LIFR: variants seen among roughly 807,000 people sequenced by gnomAD.
LIFR encodes leukemia inhibitory factor receptor.
Under a neutral mutation model 122.2 loss-of-function variants are expected in LIFR, and 84 were observed. The ratio of observed to expected loss-of-function variants is 0.69; its 90% CI spans 0.58 to 0.82. LIFR has a LOEUF of 0.82. LIFR is among the 40% of genes least tolerant of loss of function. The probability of loss-of-function intolerance (pLI) is 0.00; values close to 1 mark genes in which losing one functional copy is unlikely to be tolerated. For synonymous variants in LIFR, 422 were observed against 434.7 expected (o/e 0.97, Z 0.36); for missense variants, 1,294 against 1,311.6 (o/e 0.99, Z 0.21).
chr5:38,484,701 C>T, intron 18 of LIFR, 74 bp downstream of exon 18: 2 of 963,684 alleles, frequency 2.1e-6, no homozygotes, highest in South Asian at 2.7e-5. Flanking sequence ...TTATTTAATA[C>T]ATAAACTAAT....
At chr5:38,512,338 C>T (rs967979143) in intron 5 of LIFR, among the ~76,000 whole-genome samples, 3 of 151,880 alleles carry the variant, frequency 2.0e-5, no homozygotes, top group Non-Finnish European at 4.4e-5. Flanking sequence ...TAAAATCTGC[C>T]TGGACAGTGG....
At position 38,490,308 on chromosome 5, in the gene LIFR, T is replaced by G; in HGVS notation, c.2066-17A>C. On this transcript the variant is annotated splice_polypyrimidine_tract_variant and intron_variant, in intron 14 of 19. Coordinates refer to ENST00000453190, the MANE Select transcript of LIFR (RefSeq NM_001127671.2). ...GAAACTCATCTATAGGATGAACATATCAGCAAACTTTCATAAATATATTAC... is the reference window on the plus strand; with the variant it reads ...GAAACTCATCTATAGGATGAACATAGCAGCAAACTTTCATAAATATATTAC... 9.0e-7 allele frequency: 1 copy of G among 1,110,394 alleles called. No homozygotes were observed. The highest frequency in any genetic ancestry group is 1.4e-6 in the Non-Finnish European group (1 of 729,794). The allele number at this position is 1,110,394 out of a possible 1,614,324, so 68.8% of individuals were successfully genotyped here.
At chr5:38,569,183 T>C (rs1749125151) in intron 1 of LIFR, among the ~76,000 whole-genome samples, 1 of 152,262 alleles carries the variant, frequency 6.6e-6, no homozygotes, top group South Asian at 2.1e-4. Flanking sequence ...ATTTAATTTC[T>C]CATTCTTCTT....
intron 5 of LIFR, among the ~76,000 whole-genome samples, chr5:38,517,207 A>C (rs1214413270): frequency 6.6e-6 from 1 of 152,110 alleles, no homozygotes; most frequent in Non-Finnish European, 1.5e-5. Context: ...AGTGTAATAA[A>C]AAATTATAAA....
intron 1 of LIFR, among the ~76,000 whole-genome samples, chr5:38,541,784 A>C (rs532113360): frequency 5.0e-4 from 76 of 152,346 alleles, no homozygotes; most frequent in African/African-American, 1.7e-3. Context: ...AATAAAATAA[A>C]TTCAGCATGG....
chr5:38,558,280 C>T (rs1241250192), upstream of LIFR: 1 of 152,044 alleles, frequency 6.6e-6, no homozygotes, highest in African/African-American at 2.4e-5. Flanking sequence ...CATGATGTGG[C>T]CCTGTTGCCT....
intron 1 of LIFR, among the ~76,000 whole-genome samples, chr5:38,546,495 G>A (rs999184247): frequency 1.3e-4 from 20 of 152,136 alleles, no homozygotes; most frequent in African/African-American, 4.8e-4. Context: ...AAGAAGCTCT[G>A]GAAATACTCA....
intron 2 of LIFR, 86 bp downstream of exon 2, chr5:38,530,420 G>A (rs1644328766): frequency 9.0e-7 from 1 of 1,107,582 alleles, no homozygotes; most frequent in Non-Finnish European, 1.4e-6. Flanking sequence ...ATCCTAAAGG[G>A]GTCAATAAAG....
rs112484150 is a variant in LIFR at position 38,508,968 on chromosome 5, C to A, written c.991+1496G>T. Among the ~76,000 whole-genome samples, 288 of 152,306 alleles carry A rather than the reference C, an allele frequency of 1.9e-3. 1 individual carries two copies. Among genetic ancestry groups the A allele is most frequent in the African/African-American group, 6.6e-3 (275 of 41,578 alleles). On this transcript the variant is annotated intron_variant, in intron 7 of 19. Transcript: ENST00000453190. The stretch of plus-strand genomic sequence containing the variant: ...GAAATAAATGAATCCTGATACCTAA[C>A]TCACGAAATAACCTGCTCTTATAAA...
chr5:38,489,805 G>T (rs1481704166), intron 15 of LIFR, among the ~76,000 whole-genome samples: 1 of 145,590 alleles, frequency 6.9e-6, no homozygotes, highest in South Asian at 2.2e-4. Context: ...ACCAGCCTGG[G>T]CAACATAATG....
chr5:38,596,543 T>C (rs999421538), upstream of LIFR, among the ~76,000 whole-genome samples: 3 of 151,686 alleles, frequency 2.0e-5, no homozygotes, highest in Non-Finnish European at 4.4e-5. Flanking sequence ...GCTGCTGGAC[T>C]AGAGACCACA....
intron 5 of LIFR, among the ~76,000 whole-genome samples, chr5:38,517,856 CAAAAAAA>C (rs572954936): frequency 7.3e-4 from 11 of 15,046 alleles, no homozygotes; most frequent in Middle Eastern, 0.042. Flanking sequence ...GACACTGTCT[CAAAAAAA>C]AAAAAAAAAA....
At chr5:38,564,428 G>C (rs1748938876) in intron 1 of LIFR, among the ~76,000 whole-genome samples, 1 of 151,658 alleles carries the variant, frequency 6.6e-6, no homozygotes, top group Non-Finnish European at 1.5e-5. Flanking sequence ...ATGTTGCCAG[G>C]CTTGTCTCAA....
rs1480028751 is a variant in LIFR at position 38,503,979 on chromosome 5, C to T, written c.1434G>A (p.Glu478=). 6.4e-7 allele frequency: 1 copy of T among 1,567,314 alleles called. No homozygotes were observed. Among genetic ancestry groups the T allele is most frequent in the Admixed American group, 1.7e-5 (1 of 59,874 alleles). The change falls in exon 10 of 20, where the codon GAG becomes GAA. Residue 478 remains glutamate (E), a synonymous_variant. Transcript: ENST00000453190. The part of the protein sequence containing the change: ...IEIKKSNSVQ[E]QRNVTIKGVE... ...GAAGTCTTTAAGAGAATCTTACCTG[C>T]TCTTGTACTGAATTAGATTTCTTAA... is the stretch of plus-strand genomic sequence containing the variant.
chr5:38,529,017 A>G (rs1475055511), intron 2 of LIFR, among the ~76,000 whole-genome samples, 177 bp from the exon 3 acceptor site: 1 of 151,576 alleles, frequency 6.6e-6, no homozygotes, highest in Non-Finnish European at 1.5e-5. Flanking sequence ...CCTGCAAGTC[A>G]TGGGAGTGGA....
chr5:38,502,570 T>C (rs1745240201), intron 11 of LIFR, 67 bp downstream of exon 11: 1 of 1,387,032 alleles, frequency 7.2e-7, no homozygotes, highest in Non-Finnish European at 1.0e-6. Flanking sequence ...ACATCTTCTT[T>C]TTAAAGAAGT....
In LIFR at chr5:38,505,293, G is replaced by A. The variant is rs148201136; in HGVS notation, c.1291+612C>T. On this transcript the variant is annotated intron_variant, in intron 9 of 19. Coordinates refer to ENST00000453190, the MANE Select transcript of LIFR (RefSeq NM_001127671.2). The stretch of plus-strand genomic sequence containing the variant: ...ACAGGGATGTGACTGTATGTACAGG[G>A]GATGCTGGAAGGGCAACATGAGCAA... Among the ~76,000 whole-genome samples the A allele has an allele frequency of 2.6e-5, 4 of 152,176 alleles. No homozygotes were observed. In the East Asian group the frequency reaches 7.7e-4, roughly 29 times the overall value.
intron 1 of LIFR, among the ~76,000 whole-genome samples, chr5:38,535,349 G>A (rs1164897567): frequency 2.0e-5 from 3 of 152,168 alleles, no homozygotes; most frequent in African/African-American, 7.2e-5. Flanking sequence ...CAGGTTAGAT[G>A]CCATCTGCTG....
chr5:38,512,872 A>C (rs182061004), intron 5 of LIFR, among the ~76,000 whole-genome samples: 232 of 152,298 alleles, frequency 1.5e-3, no homozygotes, highest in African/African-American at 5.2e-3. Context: ...GCTTAAGTCA[A>C]GGAGAGGGGC....
Sources: allele counts gnomAD v4.1 joint callset (sites outside exome capture counted in the v4.1 genomes callset), GRCh38; gene constraint gnomAD v4.1.1; transcripts MANE v1.5; gene names NCBI Gene and HGNC (gene_info 2026-07-23, HGNC 2026-07-21).